ARHGAP24: variants seen among roughly 807,000 people sequenced by gnomAD.
The protein encoded by ARHGAP24 is rho GTPase-activating protein 24.
In ARHGAP24, 50 loss-of-function variants were observed where a neutral mutation model predicts 76.4. The observed-to-expected ratio is 0.65, with a 90% CI of 0.52 to 0.83. The LOEUF (loss-of-function observed/expected upper bound fraction) is 0.83, where lower values mean the gene tolerates loss of function less well. ARHGAP24 is among the 40% of genes least tolerant of loss of function. ARHGAP24 has a pLI of 0.00. For missense variants in ARHGAP24, 930 were observed against 914.2 expected (o/e 1.02, Z -0.22); for synonymous variants, 345 against 323.3 (o/e 1.07, Z -0.72).
intron 3 of ARHGAP24, among the ~76,000 whole-genome samples, chr4:85,870,617 A>C (rs1233722889): frequency 6.6e-6 from 1 of 152,162 alleles, no homozygotes; most frequent in East Asian, 1.9e-4. Flanking sequence ...GGGTGATACG[A>C]ACATACGAGT....
chr4:85,574,528 G>A (rs748499151), intron 2 of ARHGAP24, among the ~76,000 whole-genome samples: 12 of 152,156 alleles, frequency 7.9e-5, no homozygotes, highest in Non-Finnish European at 1.5e-4. Flanking sequence ...TCTATAGATA[G>A]CTCCATATTG....
chr4:85,754,273 T>C (rs1431771269), intron 3 of ARHGAP24, among the ~76,000 whole-genome samples: 1 of 152,238 alleles, frequency 6.6e-6, no homozygotes, highest in Non-Finnish European at 1.5e-5. Context: ...TTCTTTTGTA[T>C]GGGTGAATAA....
rs542908127 is a variant in ARHGAP24, at chr4:85,523,946, G to A, written c.-20-46576G>A. On this transcript the variant is annotated intron_variant, in intron 1 of 9. Transcript: ENST00000395184. ...TTCTTGCTGACTCTAAAATCTTGAC[G>A]TGATTATACTGTGATGGGATTAAGC... Among the ~76,000 whole-genome samples, 23 of 152,174 alleles carry A rather than the reference G, an allele frequency of 1.5e-4. 1 individual carries two copies. Among genetic ancestry groups the A allele is most frequent in the African/African-American group, 5.3e-4 (22 of 41,542 alleles).
intron 2 of ARHGAP24, among the ~76,000 whole-genome samples, chr4:85,702,471 T>G (rs940781400): frequency 1.3e-5 from 2 of 152,220 alleles, no homozygotes; most frequent in African/African-American, 4.8e-5. Context: ...ACAGCTATTT[T>G]ATAAAATTTA....
At chr4:85,954,953 T>C (rs1403509977) in intron 5 of ARHGAP24, among the ~76,000 whole-genome samples, 1 of 152,218 alleles carries the variant, frequency 6.6e-6, no homozygotes, top group Non-Finnish European at 1.5e-5. Context: ...GAGGTTGCGG[T>C]GAGCCGAGAT....
At chr4:85,802,798 G>A (rs954237062) in intron 3 of ARHGAP24, among the ~76,000 whole-genome samples, 3 of 151,852 alleles carry the variant, frequency 2.0e-5, no homozygotes, top group Non-Finnish European at 4.4e-5. Flanking sequence ...TCTCAAAAAC[G>A]AACAAACAAA....
chr4:85,544,167 T>C (rs1442752931), intron 1 of ARHGAP24, among the ~76,000 whole-genome samples: 3 of 152,174 alleles, frequency 2.0e-5, no homozygotes, highest in Non-Finnish European at 4.4e-5. Context: ...GGCTGATAAT[T>C]CTCAATATGC....
At chr4:85,910,389 T>G (rs1387328069) in intron 3 of ARHGAP24, among the ~76,000 whole-genome samples, 1 of 152,190 alleles carries the variant, frequency 6.6e-6, no homozygotes, top group African/African-American at 2.4e-5. Flanking sequence ...GTTCTTGTCC[T>G]GCGACCAAGA....
chr4:85,670,602 G>T (rs1722785893), intron 2 of ARHGAP24, among the ~76,000 whole-genome samples: 1 of 152,116 alleles, frequency 6.6e-6, no homozygotes, highest in African/African-American at 2.4e-5. Flanking sequence ...GAGGGAGGGG[G>T]TATAGTTTTA....
chr4:85,489,226 C>A (rs1365257538), intron 1 of ARHGAP24, among the ~76,000 whole-genome samples: 1 of 152,160 alleles, frequency 6.6e-6, no homozygotes, highest in East Asian at 1.9e-4. Flanking sequence ...ACGGGTTAAT[C>A]TCTTTAAGCA....
At chr4:85,782,271 C>T (rs137859517) in intron 3 of ARHGAP24, among the ~76,000 whole-genome samples, 1 of 152,022 alleles carries the variant, frequency 6.6e-6, no homozygotes, top group Admixed American at 6.6e-5. Context: ...CGTGTTCATA[C>T]CTAAATAGGA....
intron 3 of ARHGAP24, among the ~76,000 whole-genome samples, chr4:85,742,683 T>C (rs3889735): frequency 0.15 from 22,817 of 152,268 alleles, 2,372 homozygotes; most frequent in East Asian, 0.55. Context: ...GTTCAATCCC[T>C]GATTTCTGTG....
At chr4:85,570,471 G>T in intron 1 of ARHGAP24, 51 bp from the exon 2 acceptor site, 6 of 1,371,230 alleles carry the variant, frequency 4.4e-6, no homozygotes, top group East Asian at 2.6e-5. Context: ...AAAGGGAGTT[G>T]AATATAACAG....
intron 3 of ARHGAP24, among the ~76,000 whole-genome samples, chr4:85,920,112 G>A (rs1287432234): frequency 6.6e-6 from 1 of 152,094 alleles, no homozygotes; most frequent in Non-Finnish European, 1.5e-5. Context: ...TTGACTAATT[G>A]TTCTCAAACA....
intron 3 of ARHGAP24, among the ~76,000 whole-genome samples, chr4:85,884,340 T>G (rs1480243552): frequency 6.6e-6 from 1 of 152,206 alleles, no homozygotes; most frequent in Non-Finnish European, 1.5e-5. Context: ...TCTTTGACTT[T>G]AAAGACCAAT....
At chr4:85,696,934 A>G (rs934797658) in intron 2 of ARHGAP24, among the ~76,000 whole-genome samples, 3 of 152,206 alleles carry the variant, frequency 2.0e-5, no homozygotes, top group Non-Finnish European at 4.4e-5. Context: ...AGGGATGAGT[A>G]ATGACAGAAG....
chr4:85,788,847 C>T (rs948460661), intron 3 of ARHGAP24, among the ~76,000 whole-genome samples: 2 of 152,224 alleles, frequency 1.3e-5, no homozygotes, highest in Admixed American at 1.3e-4. Context: ...GAAAGTAACA[C>T]CCGTTCTAAG....
chr4:85,754,424 T>G (rs1384819089), intron 3 of ARHGAP24, among the ~76,000 whole-genome samples: 1 of 152,210 alleles, frequency 6.6e-6, no homozygotes, highest in Non-Finnish European at 1.5e-5. Flanking sequence ...TACTGAAATT[T>G]CAATTAGTAA....
chr4:85,602,504 A>G (rs967431357), intron 2 of ARHGAP24, among the ~76,000 whole-genome samples: 4 of 152,188 alleles, frequency 2.6e-5, no homozygotes, highest in Non-Finnish European at 5.9e-5. Flanking sequence ...TGCTCCATAG[A>G]CACATTTTCA....
Sources: allele counts gnomAD v4.1 joint callset (sites outside exome capture counted in the v4.1 genomes callset), GRCh38; gene constraint gnomAD v4.1.1; transcripts MANE v1.5; gene names NCBI Gene and HGNC (gene_info 2026-07-23, HGNC 2026-07-21).